Variants in MRTFA observed in about 807,000 individuals in gnomAD.
MRTFA encodes myocardin-related transcription factor A.
Under a neutral mutation model 83.5 loss-of-function variants are expected in MRTFA, and 20 were observed. The observed-to-expected ratio is 0.24, with a 90% CI of 0.17 to 0.35. MRTFA has a LOEUF of 0.35. Among genes scored for constraint, MRTFA ranks in the 10% least tolerant of loss-of-function variants. The pLI is 1.00. For synonymous variants in MRTFA, 659 were observed against 541.2 expected (o/e 1.22, Z -3.02); for missense variants, 1,200 against 1,224.7 (o/e 0.98, Z 0.30).
intron 3 of MRTFA, among the ~76,000 whole-genome samples, chr22:40,544,868 T>C (rs2055338907): frequency 1.3e-5 from 2 of 151,836 alleles, no homozygotes; most frequent in African/African-American, 2.4e-5. Flanking sequence ...GCCCAGGAGA[T>C]TGAGGCCGCA....
intron 1 of MRTFA, among the ~76,000 whole-genome samples, chr22:40,599,624 C>T (rs1176982611): frequency 1.3e-5 from 2 of 152,006 alleles, no homozygotes; most frequent in South Asian, 4.2e-4. Flanking sequence ...TTGCCAGGCA[C>T]AGTGGCTCAC....
At chr22:40,571,393 G>A (rs1602445356) in intron 2 of MRTFA, among the ~76,000 whole-genome samples, 1 of 152,018 alleles carries the variant, frequency 6.6e-6, no homozygotes, top group East Asian at 1.9e-4. Context: ...AAAGTACATG[G>A]AACCAAAGGA....
chr22:40,625,449 C>CAAATAAA (rs1569358197), intron 1 of MRTFA, among the ~76,000 whole-genome samples: 411 of 137,558 alleles, frequency 3.0e-3, no homozygotes, highest in Non-Finnish European at 4.9e-3. Context: ...GGCCCTCTCT[C>CAAATAAA]TAAATAAATA....
At chr22:40,474,877 C>T (rs1024664158) in intron 3 of MRTFA, among the ~76,000 whole-genome samples, 15 of 152,194 alleles carry the variant, frequency 9.9e-5, no homozygotes, top group African/African-American at 3.6e-4. Flanking sequence ...CTTGCTCTGT[C>T]ACCCAGGCTG....
At chr22:40,617,121 G>A (rs987238263) in intron 1 of MRTFA, among the ~76,000 whole-genome samples, 4 of 139,282 alleles carry the variant, frequency 2.9e-5, no homozygotes, top group South Asian at 2.4e-4. Context: ...AAAGCAAGAC[G>A]AAAGAAAGAG....
At chr22:40,502,237 G>A (rs1191757483) in intron 3 of MRTFA, among the ~76,000 whole-genome samples, 2 of 143,254 alleles carry the variant, frequency 1.4e-5, no homozygotes, top group Non-Finnish European at 1.5e-5. Flanking sequence ...GGTGGCTGCC[G>A]GGTGGAGAGG....
At chr22:40,633,825 T>A (rs1302648280) in intron 1 of MRTFA, among the ~76,000 whole-genome samples, 3 of 152,142 alleles carry the variant, frequency 2.0e-5, no homozygotes, top group African/African-American at 7.2e-5. Context: ...ATAATGATAA[T>A]ATGGGTAGAA....
At chr22:40,481,563 GA>G (rs1339429912) in intron 3 of MRTFA, among the ~76,000 whole-genome samples, 1 of 152,080 alleles carries the variant, frequency 6.6e-6, no homozygotes, top group Non-Finnish European at 1.5e-5. Flanking sequence ...TGGAACAAGA[GA>G]ACAGAGAGTG....
At chr22:40,425,928 T>C (rs1022427728) in intron 7 of MRTFA, among the ~76,000 whole-genome samples, 3 of 152,022 alleles carry the variant, frequency 2.0e-5, no homozygotes, top group African/African-American at 7.2e-5. Flanking sequence ...GGAACAAAGA[T>C]GGGGTCCCTG....
intron 3 of MRTFA, among the ~76,000 whole-genome samples, chr22:40,498,274 T>TATATATATATATATATATATATATA (rs1491515144): frequency 5.3e-5 from 2 of 37,774 alleles, no homozygotes; most frequent in African/African-American, 2.3e-4. Flanking sequence ...TATATATATA[T>TATATATATATATATATATATATATA]TTTTTTTTTT....
intron 3 of MRTFA, among the ~76,000 whole-genome samples, chr22:40,492,387 G>C (rs1364936045): frequency 6.6e-6 from 1 of 152,096 alleles, no homozygotes; most frequent in Non-Finnish European, 1.5e-5. Flanking sequence ...GTCAGCACTG[G>C]GCCTAGACAC....
Position 40,410,319 on chromosome 22 carries a change from A to G in MRTFA, c.*1071T>C, listed in dbSNP as rs1162621098. On this transcript the variant is annotated 3_prime_UTR_variant, in exon 15 of 15. Coordinates refer to ENST00000355630, the MANE Select transcript of MRTFA (RefSeq NM_020831.6). Reference sequence around the variant, plus strand: ...TTTTTGTGTTTATTTTAAAAAGTTCACACACCTTCCCCATCTTTGTCCCAG... The same window carrying G: ...TTTTTGTGTTTATTTTAAAAAGTTCGCACACCTTCCCCATCTTTGTCCCAG... 7.9e-6 allele frequency: 3 copies of G among 381,978 alleles called. No homozygotes were observed. The highest frequency in any genetic ancestry group is 1.2e-5 in the Non-Finnish European group (3 of 255,528). 23.7% of individuals were successfully genotyped at this position (381,978 alleles called of 1,614,324 possible).
At chr22:40,482,430 G>C (rs2054107044) in intron 3 of MRTFA, among the ~76,000 whole-genome samples, 1 of 152,114 alleles carries the variant, frequency 6.6e-6, no homozygotes, top group South Asian at 2.1e-4. Flanking sequence ...GTGGCAAACA[G>C]ATCTCAAAGT....
chr22:40,632,888 C>T lies in MRTFA; in HGVS notation c.-84+3590G>A, dbSNP rs146351083. ...TACACAGGAAGACAGTTAACACACCCGCTCTCCAAAACTCTAATTTCCTTG... is the reference window on the plus strand; with the variant it reads ...TACACAGGAAGACAGTTAACACACCTGCTCTCCAAAACTCTAATTTCCTTG... On this transcript the variant is annotated intron_variant, in intron 1 of 14. Coordinates refer to ENST00000355630, the MANE Select transcript of MRTFA (RefSeq NM_020831.6). Among the ~76,000 whole-genome samples the T allele has an allele frequency of 2.0e-3, 307 of 152,310 alleles. 3 individuals carry two copies. The East Asian group carries it at 0.025, about 13-fold the overall frequency.
chr22:40,596,938 G>A (rs561125684), intron 1 of MRTFA, among the ~76,000 whole-genome samples: 1 of 151,818 alleles, frequency 6.6e-6, no homozygotes, highest in African/African-American at 2.4e-5. Context: ...TCACACCACT[G>A]CACTCCAGCA....
At chr22:40,626,150 ATTT>A (rs905035709) in intron 1 of MRTFA, among the ~76,000 whole-genome samples, 1 of 151,754 alleles carries the variant, frequency 6.6e-6, no homozygotes, top group Admixed American at 6.6e-5. Context: ...CACCCGGCTG[ATTT>A]TTTTGTATTT....
chr22:40,615,468 T>C (rs2056437724), intron 1 of MRTFA, among the ~76,000 whole-genome samples: 1 of 152,226 alleles, frequency 6.6e-6, no homozygotes, highest in Admixed American at 6.5e-5. Flanking sequence ...TATTTCCATG[T>C]GAATTTTAGA....
intron 9 of MRTFA, among the ~76,000 whole-genome samples, chr22:40,421,704 TG>T (rs1280623185): frequency 9.2e-4 from 140 of 152,088 alleles, no homozygotes; most frequent in Non-Finnish European, 2.2e-4. Context: ...AGACCCAAAC[TG>T]ACCAATAAGG....
intron 3 of MRTFA, chr22:40,526,183 T>TTTGTTGTTG (rs57693796): frequency 6.6e-6 from 1 of 151,450 alleles, no homozygotes; most frequent in Non-Finnish European, 1.5e-5. Context: ...GCCTGGCTAA[T>TTTGTTGTTG]TTGTTGTTGT....
Sources: gnomAD v4.1 joint callset for allele counts (sites outside exome capture counted in the v4.1 genomes callset) on GRCh38, gnomAD v4.1.1 for gene constraint, MANE v1.5 for transcripts, NCBI Gene and HGNC (gene_info 2026-07-23, HGNC 2026-07-21) for gene names.